The following MAEL variants were observed in gnomAD, a reference collection of about 807,000 sequenced individuals.
MAEL encodes the protein maelstrom spermatogenic transposon silencer.
A neutral mutation model predicts 62.0 loss-of-function variants in MAEL; 46 were observed. The ratio of observed to expected loss-of-function variants is 0.74; its 90% CI spans 0.59 to 0.95. The LOEUF (loss-of-function observed/expected upper bound fraction) is 0.95, where lower values mean the gene tolerates loss of function less well. MAEL is among the 40% of genes least tolerant of loss of function. MAEL has a pLI of 0.00. For synonymous variants in MAEL, 172 were observed against 175.5 expected, an observed-to-expected ratio of 0.98 and a Z score of 0.16; for missense variants, 497 against 526.8, an observed-to-expected ratio of 0.94 and a Z score of 0.55.
At position 167,004,250 on chromosome 1, in the gene MAEL, C is replaced by T. The variant is rs770454266; in HGVS notation, c.594C>T (p.Asn198=). 1.2e-6 allele frequency: 2 copies of T among 1,608,802 alleles called. No individual in the cohort carries two copies. The highest frequency in any genetic ancestry group is 1.7e-5 in the Admixed American group (1 of 59,250). Residue 198 remains asparagine, a synonymous_variant, in exon 6 of 12, where the codon AAC becomes AAT. Transcript: ENST00000367872. ...ATAACCAAGCAACTGTGTTACAAAACCTTTATAGATTTATTCATCCCAACC... is the reference window on the plus strand; with the variant it reads ...ATAACCAAGCAACTGTGTTACAAAATCTTTATAGATTTATTCATCCCAACC... ...RGHNQATVLQ[N]LYRFIHPNPG...
Position 166,992,767 on chromosome 1 carries a change from C to T in MAEL, c.407C>T (p.Pro136Leu), listed in dbSNP as rs868123907. The T allele has an allele frequency of 3.7e-6, 6 of 1,611,228 alleles. No homozygotes were observed. The highest frequency in any genetic ancestry group is 5.1e-6 in the Non-Finnish European group (6 of 1,178,980). Reference sequence around the variant, plus strand: ...CCTCATTGTGAACAGCGCTTCCTCCCTTGTGAAATTGGCTGTGTTAAGTAT... The same window carrying T: ...CCTCATTGTGAACAGCGCTTCCTCCTTTGTGAAATTGGCTGTGTTAAGTAT... ...LPPHCEQRFLPCEIGCVKYSL... is the reference protein window; with the variant it reads ...LPPHCEQRFLLCEIGCVKYSL... The change falls in exon 4 of 12, where the codon CCT becomes CTT. Residue 136 changes from proline (P) to leucine (L), a missense_variant. By Grantham distance (98) the Pro-to-Leu change is moderately conservative. Coordinates refer to ENST00000367872, the MANE Select transcript of MAEL (RefSeq NM_032858.3).
chr1:167,004,229 C>T lies in MAEL; in HGVS notation c.573C>T (p.Asn191=). The part of the protein sequence containing the change: ...IPISNFERGH[N]QATVLQNLYR... ...TTTCAAATTTTGAACGTGGGCATAA[C>T]CAAGCAACTGTGTTACAAAACCTTT... is the stretch of plus-strand genomic sequence containing the variant. Residue 191 remains asparagine, a synonymous_variant, in exon 6 of 12, where the codon AAC becomes AAT. Transcript: ENST00000367872. 1 of 1,609,106 alleles carries T rather than the reference C, an allele frequency of 6.2e-7. No homozygotes were observed. The highest frequency in any genetic ancestry group is 8.5e-7 in the Non-Finnish European group (1 of 1,177,372).
intron 5 of MAEL, among the ~76,000 whole-genome samples, chr1:166,998,149 C>G (rs1374098157): frequency 6.6e-6 from 1 of 152,158 alleles, no homozygotes; most frequent in Non-Finnish European, 1.5e-5. Flanking sequence ...TGCTTTGACC[C>G]TTTGTTCTTC....
upstream of MAEL, among the ~76,000 whole-genome samples, chr1:166,984,461 G>A (rs994268617): frequency 6.6e-6 from 1 of 152,006 alleles, no homozygotes; most frequent in Non-Finnish European, 1.5e-5. Context: ...CATATGTTAA[G>A]TCATTCGATT....
chr1:166,992,924 T>C lies in MAEL; in HGVS notation c.481+83T>C, dbSNP rs1256395168. Reference sequence around the variant, plus strand: ...TTGACTTTATTTGATAATAGTACTTTTTCTTACAAGCTCATGTACAGCTGT... The same window carrying C: ...TTGACTTTATTTGATAATAGTACTTCTTCTTACAAGCTCATGTACAGCTGT... On this transcript the variant is annotated intron_variant, in intron 4 of 11. Transcript: ENST00000367872. 9 of 1,158,746 alleles carry C rather than the reference T, an allele frequency of 7.8e-6. No homozygotes were observed. The East Asian group carries it at 2.4e-4, about 31-fold the overall frequency. 71.8% of individuals were successfully genotyped at this position (1,158,746 alleles called of 1,614,324 possible).
chr1:166,992,230 G>A (rs907330647), intron 3 of MAEL, among the ~76,000 whole-genome samples: 1 of 152,100 alleles, frequency 6.6e-6, no homozygotes, highest in African/African-American at 2.4e-5. Flanking sequence ...TATTCCTTTA[G>A]AGGATTTATA....
chr1:167,005,169 G>A, intron 7 of MAEL, 39 bp downstream of exon 7: 1 of 1,611,938 alleles, frequency 6.2e-7, no homozygotes, highest in Non-Finnish European at 8.5e-7. Context: ...GTGCTTTATA[G>A]TTAATATCTG....
At chr1:166,991,307 C>G in intron 2 of MAEL, 71 bp from the exon 3 acceptor site, 1 of 939,972 alleles carries the variant, frequency 1.1e-6, no homozygotes, top group Non-Finnish European at 1.7e-6. Flanking sequence ...AGTTATTTAG[C>G]TAAATTTTAA....
Position 166,991,306 on chromosome 1 carries a change from G to A in MAEL, c.226-72G>A, listed in dbSNP as rs951416300. On this transcript the variant is annotated intron_variant, in intron 2 of 11. Transcript: ENST00000367872. ...CTATAGGCTGTTTTGCAGTTATTTAGCTAAATTTTAATGTATGGTCTAAAA... is the reference window on the plus strand; with the variant it reads ...CTATAGGCTGTTTTGCAGTTATTTAACTAAATTTTAATGTATGGTCTAAAA... The A allele has an allele frequency of 3.3e-6, 3 of 917,314 alleles. No homozygotes were observed. The African/African-American group carries it at 4.9e-5, about 15-fold the overall frequency. The allele number at this position is 917,314 out of a possible 1,614,324, so 56.8% of individuals were successfully genotyped here. A position where few individuals can be genotyped will look rare whatever the true frequency, so the allele number is the denominator to read the frequency against.
chr1:166,992,775 A>G lies in MAEL; in HGVS notation c.415A>G (p.Ile139Val). ...HCEQRFLPCE[I>V]GCVKYSLQEG... is the part of the protein sequence containing the mutation. ...TGAACAGCGCTTCCTCCCTTGTGAA[A>G]TTGGCTGTGTTAAGTATTCTCTCCA... is the stretch of plus-strand genomic sequence containing the variant. Residue 139 changes from isoleucine to valine, a missense_variant, in exon 4 of 12, where the codon ATT (isoleucine) becomes GTT (valine). Coordinates refer to ENST00000367872, the MANE Select transcript of MAEL (RefSeq NM_032858.3). 6.2e-7 allele frequency: 1 copy of G among 1,611,510 alleles called. No individual in the cohort carries two copies. Among genetic ancestry groups the G allele is most frequent in the Non-Finnish European group, 8.5e-7 (1 of 1,179,088 alleles).
chr1:167,008,195 G>A (rs751944360), intron 8 of MAEL, among the ~76,000 whole-genome samples: 22 of 151,974 alleles, frequency 1.4e-4, no homozygotes, highest in Non-Finnish European at 1.5e-5. Flanking sequence ...ATCTACTTTT[G>A]TGTCTTTCAA....
At chr1:166,975,636 C>A in exon 1 of MAEL, 1 of 152,284 alleles carries the variant, frequency 6.6e-6, no homozygotes, top group South Asian at 1.9e-4. Flanking sequence ...CAAAGTTTCT[C>A]GGTCACGTGC....
chr1:167,019,049 G>A (rs1241418944), intron 10 of MAEL, among the ~76,000 whole-genome samples: 1 of 152,112 alleles, frequency 6.6e-6, no homozygotes, highest in Non-Finnish European at 1.5e-5. Flanking sequence ...TGTACTCTGG[G>A]CAAGACCCTT....
At chr1:166,976,110 GA>G (rs968326722) in intron 1 of MAEL, among the ~76,000 whole-genome samples, 1 of 152,194 alleles carries the variant, frequency 6.6e-6, no homozygotes, top group African/African-American at 2.4e-5. Context: ...GTTAAAATAT[GA>G]GGTAGAATAA....
At chr1:167,017,157 A>G (rs113399994) in intron 9 of MAEL, among the ~76,000 whole-genome samples, 1 of 152,332 alleles carries the variant, frequency 6.6e-6, no homozygotes, top group African/African-American at 2.4e-5. Flanking sequence ...TTTATAATAC[A>G]AAGGATGAAT....
At chr1:166,994,307 T>G (rs1462848979) in intron 5 of MAEL, among the ~76,000 whole-genome samples, 3 of 152,224 alleles carry the variant, frequency 2.0e-5, no homozygotes, top group Non-Finnish European at 4.4e-5. Flanking sequence ...TCCTTTGACC[T>G]CAAGGTTGGC....
At chr1:166,983,577 C>G (rs1028313735) in intron 1 of MAEL, among the ~76,000 whole-genome samples, 1 of 152,084 alleles carries the variant, frequency 6.6e-6, no homozygotes, top group Non-Finnish European at 1.5e-5. Flanking sequence ...CTTGATCCAC[C>G]CCCTCCACAT....
intron 8 of MAEL, among the ~76,000 whole-genome samples, chr1:167,013,270 C>A (rs1665245299): frequency 6.6e-6 from 1 of 152,164 alleles, no homozygotes; most frequent in Non-Finnish European, 1.5e-5. Flanking sequence ...CTTGATGGAC[C>A]TCACAGCACG....
At chr1:167,020,196 C>T (rs987143578) in intron 10 of MAEL, among the ~76,000 whole-genome samples, 1 of 152,170 alleles carries the variant, frequency 6.6e-6, no homozygotes, top group African/African-American at 2.4e-5. Flanking sequence ...ACTCATGTCT[C>T]CTCCTTTACC....
Sources: allele counts gnomAD v4.1 joint callset (sites outside exome capture counted in the v4.1 genomes callset), GRCh38; gene constraint gnomAD v4.1.1; transcripts MANE v1.5; gene names NCBI Gene and HGNC (gene_info 2026-07-23, HGNC 2026-07-21).